Variants in LINGO2 observed in about 807,000 individuals in gnomAD.
LINGO2 encodes the protein leucine rich repeat and Ig domain containing 2, also known as leucine-rich repeat and immunoglobulin-like domain-containing nogo receptor-interacting protein 2.
A neutral mutation model predicts 30.6 loss-of-function variants in LINGO2; 14 were observed. The observed-to-expected ratio is 0.46, with a 90% CI of 0.30 to 0.72. The LOEUF (loss-of-function observed/expected upper bound fraction) is 0.72. Among genes scored for constraint, LINGO2 ranks in the 30% least tolerant of loss-of-function variants. The pLI is 0.07. For missense variants in LINGO2, 729 were observed against 751.7 expected, an observed-to-expected ratio of 0.97 and a Z score of 0.35; for synonymous variants, 317 against 288.5, an observed-to-expected ratio of 1.10 and a Z score of -1.00.
At chr9:28,941,810 T>C in the LINGO2 span, among the ~76,000 whole-genome samples, 1 of 152,194 alleles carries the variant, frequency 6.6e-6, no homozygotes, top group African/African-American at 2.4e-5. Context: ...TATACAGATA[T>C]TTTAATCTTT....
intron 5 of LINGO2, among the ~76,000 whole-genome samples, chr9:27,964,156 T>A (rs971114085): frequency 6.6e-6 from 1 of 152,144 alleles, no homozygotes; most frequent in Non-Finnish European, 1.5e-5. Flanking sequence ...CTTTCAATAT[T>A]GAGGTTCAAC....
intron 4 of LINGO2, among the ~76,000 whole-genome samples, chr9:28,014,800 A>G (rs1386112548): frequency 1.3e-5 from 2 of 152,154 alleles, no homozygotes; most frequent in Non-Finnish European, 2.9e-5. Flanking sequence ...GAATCTAGGT[A>G]TATGTTAGTC....
intron 3 of LINGO2, among the ~76,000 whole-genome samples, chr9:28,361,991 T>C (rs1027648376): frequency 3.3e-5 from 5 of 152,180 alleles, no homozygotes; most frequent in Admixed American, 6.5e-5. Context: ...ACATAGGCCA[T>C]TGTTTCTCCA....
intron 4 of LINGO2, among the ~76,000 whole-genome samples, chr9:28,288,478 T>C (rs1207658914): frequency 1.3e-5 from 2 of 152,130 alleles, no homozygotes; most frequent in African/African-American, 4.8e-5. Context: ...GCTTGGAATA[T>C]GTCATTAAAG....
At chr9:29,156,949 G>T in the LINGO2 span, among the ~76,000 whole-genome samples, 1 of 151,834 alleles carries the variant, frequency 6.6e-6, no homozygotes, top group South Asian at 2.1e-4. Context: ...TGAAACAAAG[G>T]CAGAATAAAC....
At chr9:28,745,616 A>C in the LINGO2 span, among the ~76,000 whole-genome samples, 1 of 152,088 alleles carries the variant, frequency 6.6e-6, no homozygotes, top group East Asian at 1.9e-4. Context: ...ATATTTTAAA[A>C]GGTATGTTTA....
At chr9:28,626,256 T>A (rs1318514456) in intron 1 of LINGO2, among the ~76,000 whole-genome samples, 1 of 152,172 alleles carries the variant, frequency 6.6e-6, no homozygotes, top group Non-Finnish European at 1.5e-5. Context: ...CACATTTTCT[T>A]AAATTGGGCT....
the LINGO2 span, among the ~76,000 whole-genome samples, chr9:28,938,068 TA>T: frequency 2.0e-5 from 3 of 152,204 alleles, no homozygotes; most frequent in Non-Finnish European, 4.4e-5. Flanking sequence ...TGTTAAAGAA[TA>T]AGGCATATTT....
chr9:28,433,190 T>A (rs1402110007), intron 2 of LINGO2, among the ~76,000 whole-genome samples: 1 of 152,064 alleles, frequency 6.6e-6, no homozygotes, highest in African/African-American at 2.4e-5. Flanking sequence ...AATTCCAAGT[T>A]GGAAAAGTGT....
the LINGO2 span, among the ~76,000 whole-genome samples, chr9:29,135,349 G>C: frequency 1.3e-5 from 2 of 152,082 alleles, no homozygotes; most frequent in Middle Eastern, 3.4e-3. Flanking sequence ...CATTAGGTCA[G>C]GAGGTTGAGA....
chr9:28,814,669 C>T, the LINGO2 span, among the ~76,000 whole-genome samples: 5 of 152,050 alleles, frequency 3.3e-5, no homozygotes, highest in African/African-American at 7.2e-5. Flanking sequence ...AGACGGATCA[C>T]GAGGTCAGGA....
At chr9:28,396,156 A>G (rs1354006767) in intron 2 of LINGO2, among the ~76,000 whole-genome samples, 1 of 152,150 alleles carries the variant, frequency 6.6e-6, no homozygotes, top group African/African-American at 2.4e-5. Context: ...TGATTTATTT[A>G]ACAGACACTT....
At chr9:28,751,121 A>C in the LINGO2 span, among the ~76,000 whole-genome samples, 1 of 151,590 alleles carries the variant, frequency 6.6e-6, no homozygotes, top group Non-Finnish European at 1.5e-5. Context: ...AAATATATAC[A>C]TATATAAAAA....
chr9:28,149,394 C>T (rs181639168), intron 4 of LINGO2, among the ~76,000 whole-genome samples: 7 of 150,044 alleles, frequency 4.7e-5, no homozygotes, highest in South Asian at 2.1e-4. Flanking sequence ...GCTGCTCCAC[C>T]GTCTGGGAAG....
At chr9:28,101,742 C>T (rs1025769021) in intron 4 of LINGO2, among the ~76,000 whole-genome samples, 7 of 152,128 alleles carry the variant, frequency 4.6e-5, no homozygotes, top group Non-Finnish European at 7.3e-5. Context: ...AATCTCTCAG[C>T]AATAGTGCCT....
At chr9:28,812,610 T>G in the LINGO2 span, among the ~76,000 whole-genome samples, 1 of 152,174 alleles carries the variant, frequency 6.6e-6, no homozygotes, top group African/African-American at 2.4e-5. Context: ...GTATCTTTCT[T>G]TTATAAAATA....
chr9:28,360,146 A>C (rs1041024321), intron 3 of LINGO2, among the ~76,000 whole-genome samples: 2 of 152,210 alleles, frequency 1.3e-5, no homozygotes, highest in African/African-American at 4.8e-5. Context: ...GGTAGCCATT[A>C]ATGTACCCAT....
the LINGO2 span, among the ~76,000 whole-genome samples, chr9:28,821,723 G>A: frequency 6.6e-6 from 1 of 152,200 alleles, no homozygotes; most frequent in African/African-American, 2.4e-5. Context: ...TGTGGGATAA[G>A]GTGCTTGGGC....
chr9:29,113,074 T>C, the LINGO2 span, among the ~76,000 whole-genome samples: 1 of 152,164 alleles, frequency 6.6e-6, no homozygotes, highest in Non-Finnish European at 1.5e-5. Context: ...GGAGAAAGTA[T>C]AACTTGCAAA....
Sources: allele counts gnomAD v4.1 joint callset (sites outside exome capture counted in the v4.1 genomes callset), GRCh38; gene constraint gnomAD v4.1.1; transcripts MANE v1.5; gene names NCBI Gene and HGNC (gene_info 2026-07-23, HGNC 2026-07-21).